MGAT4C: variants seen among roughly 807,000 people sequenced by gnomAD.
MGAT4C encodes alpha-1,3-mannosyl-glycoprotein 4-beta-N-acetylglucosaminyltransferase C.
A neutral mutation model predicts 40.1 loss-of-function variants in MGAT4C; 19 were observed. The observed-to-expected ratio is 0.47, with a 90% CI of 0.33 to 0.70. MGAT4C has a LOEUF of 0.70. Among genes scored for constraint, MGAT4C ranks in the 30% least tolerant of loss-of-function variants. MGAT4C has a pLI of 0.02. For synonymous variants in MGAT4C, 181 were observed against 187.1 expected, an observed-to-expected ratio of 0.97 and a Z score of 0.27; for missense variants, 491 against 563.2, an observed-to-expected ratio of 0.87 and a Z score of 1.30.
intron 1 of MGAT4C, among the ~76,000 whole-genome samples, chr12:86,235,369 A>G (rs1951489957): frequency 6.6e-6 from 1 of 152,088 alleles, no homozygotes; most frequent in South Asian, 2.1e-4. Flanking sequence ...TTTTTTATAA[A>G]ATATAAATGT....
At chr12:86,229,445 C>T (rs749519421) in intron 1 of MGAT4C, among the ~76,000 whole-genome samples, 20 of 151,760 alleles carry the variant, frequency 1.3e-4, no homozygotes, top group Non-Finnish European at 1.8e-4. Context: ...GGCATGTGAT[C>T]CAAAATTATG....
intron 4 of MGAT4C, among the ~76,000 whole-genome samples, chr12:86,295,214 A>G (rs1953632698): frequency 6.6e-6 from 1 of 152,212 alleles, no homozygotes; most frequent in African/African-American, 2.4e-5. Flanking sequence ...TTAAACATGG[A>G]CATTTTGTTC....
chr12:86,632,841 G>T (rs971986700), intron 2 of MGAT4C, among the ~76,000 whole-genome samples: 1 of 151,928 alleles, frequency 6.6e-6, no homozygotes, highest in Admixed American at 6.6e-5. Context: ...AACCAACATG[G>T]CACATGTATA....
chr12:86,096,777 A>T (rs1232218520), intron 1 of MGAT4C, among the ~76,000 whole-genome samples: 1 of 151,508 alleles, frequency 6.6e-6, no homozygotes. Flanking sequence ...TAACAATACG[A>T]CTAAAATCCT....
At chr12:86,105,001 C>T (rs1875885064) in intron 1 of MGAT4C, among the ~76,000 whole-genome samples, 1 of 152,064 alleles carries the variant, frequency 6.6e-6, no homozygotes, top group Non-Finnish European at 1.5e-5. Flanking sequence ...ATTTAGAACA[C>T]AGATGGACTT....
At chr12:86,269,943 T>C (rs1952899854) in intron 4 of MGAT4C, among the ~76,000 whole-genome samples, 1 of 152,164 alleles carries the variant, frequency 6.6e-6, no homozygotes, top group Admixed American at 6.5e-5. Context: ...ACCATTTTGG[T>C]TGTACAGGTC....
At chr12:86,085,755 A>G (rs1396027012) in intron 1 of MGAT4C, among the ~76,000 whole-genome samples, 1 of 152,194 alleles carries the variant, frequency 6.6e-6, no homozygotes, top group Non-Finnish European at 1.5e-5. Flanking sequence ...TTTTCAAAAG[A>G]ATACATTTAT....
intron 3 of MGAT4C, among the ~76,000 whole-genome samples, chr12:86,349,283 C>T (rs1044263523): frequency 6.6e-6 from 1 of 152,110 alleles, no homozygotes; most frequent in Non-Finnish European, 1.5e-5. Flanking sequence ...GTCAGTGAAC[C>T]AGGGCAGATC....
At chr12:86,369,342 A>G (rs1305584732) in intron 3 of MGAT4C, among the ~76,000 whole-genome samples, 1 of 151,936 alleles carries the variant, frequency 6.6e-6, no homozygotes, top group African/African-American at 2.4e-5. Context: ...TATGGTAATT[A>G]TGGAACTGTA....
At chr12:86,210,705 A>G (rs1950428311) in intron 1 of MGAT4C, among the ~76,000 whole-genome samples, 1 of 152,198 alleles carries the variant, frequency 6.6e-6, no homozygotes, top group Non-Finnish European at 1.5e-5. Context: ...ACTTTTTTGC[A>G]TTTAATTGGA....
intron 3 of MGAT4C, among the ~76,000 whole-genome samples, chr12:86,388,190 T>C (rs547357351): frequency 6.6e-6 from 1 of 152,256 alleles, no homozygotes; most frequent in African/African-American, 2.4e-5. Context: ...CAGGAAGATG[T>C]GAAGAAAATT....
chr12:86,691,749 A>T (rs1950176999), intron 2 of MGAT4C, among the ~76,000 whole-genome samples: 1 of 152,268 alleles, frequency 6.6e-6, no homozygotes, highest in East Asian at 1.9e-4. Context: ...CAACGTATCC[A>T]AACACACACC....
At chr12:86,586,981 CT>C (rs1205130353) in intron 2 of MGAT4C, among the ~76,000 whole-genome samples, 1 of 152,050 alleles carries the variant, frequency 6.6e-6, no homozygotes, top group African/African-American at 2.4e-5. Context: ...TCAATGTTGG[CT>C]TTTGTTGCCA....
intron 1 of MGAT4C, among the ~76,000 whole-genome samples, chr12:86,831,747 T>A (rs1397095594): frequency 6.6e-6 from 1 of 151,822 alleles, no homozygotes; most frequent in East Asian, 1.9e-4. Context: ...TTCTAAATAA[T>A]AACAATGTTG....
chr12:86,765,529 C>T (rs921837027), intron 1 of MGAT4C, among the ~76,000 whole-genome samples: 3 of 152,062 alleles, frequency 2.0e-5, no homozygotes, highest in Admixed American at 6.6e-5. Context: ...CACAAAGATA[C>T]CCCTTGAGAA....
chr12:86,046,366 T>A (rs978347620), intron 2 of MGAT4C, among the ~76,000 whole-genome samples: 3 of 152,152 alleles, frequency 2.0e-5, no homozygotes, highest in African/African-American at 7.2e-5. Flanking sequence ...ACTTCAACTC[T>A]CCCTTGTGAA....
At chr12:86,483,799 G>A (rs1378007448) in intron 2 of MGAT4C, among the ~76,000 whole-genome samples, 2 of 146,594 alleles carry the variant, frequency 1.4e-5, no homozygotes, top group African/African-American at 2.6e-5. Flanking sequence ...ATTCTCCCTG[G>A]TGTCATTAGA....
At chr12:86,712,873 A>G (rs78967481) in intron 2 of MGAT4C, among the ~76,000 whole-genome samples, 55 of 152,254 alleles carry the variant, frequency 3.6e-4, no homozygotes, top group African/African-American at 1.3e-3. Flanking sequence ...CTATCGATTT[A>G]TAACATTAAG....
chr12:86,610,297 A>G (rs1962202335), intron 2 of MGAT4C, among the ~76,000 whole-genome samples: 1 of 152,218 alleles, frequency 6.6e-6, no homozygotes, highest in Non-Finnish European at 1.5e-5. Flanking sequence ...TAAATTAACT[A>G]CTATACTTGC....
Sources: allele counts gnomAD v4.1 joint callset (sites outside exome capture counted in the v4.1 genomes callset), GRCh38; gene constraint gnomAD v4.1.1; transcripts MANE v1.5; gene names NCBI Gene and HGNC (gene_info 2026-07-23, HGNC 2026-07-21).